The following ZNF169 variants were observed in gnomAD, a reference collection of about 807,000 sequenced individuals.
ZNF169 encodes the protein zinc finger protein 169.
A neutral mutation model predicts 12.0 loss-of-function variants in ZNF169; 11 were observed. The ratio of observed to expected loss-of-function variants is 0.92; its 90% confidence interval spans 0.58 to 1.52. ZNF169 has a LOEUF of 1.52. ZNF169 is among the 40% of genes most tolerant of loss of function. The pLI, the probability that ZNF169 is intolerant of heterozygous loss-of-function variation, is 0.00. For synonymous variants in ZNF169, 302 were observed against 286.5 expected, an observed-to-expected ratio of 1.05 and a Z score of -0.55; for missense variants, 722 against 744.0, an observed-to-expected ratio of 0.97 and a Z score of 0.34.
chr9:94,275,749 A>G (rs1830506009), intron 1 of ZNF169, among the ~76,000 whole-genome samples: 1 of 149,474 alleles, frequency 6.7e-6, no homozygotes, highest in Admixed American at 6.7e-5. Flanking sequence ...GTTTCTCACC[A>G]TTAAATATGA....
At chr9:94,292,651 A>G (rs1207725855) in intron 3 of ZNF169, 184 bp downstream of exon 3, 4 of 584,126 alleles carry the variant, frequency 6.8e-6, no homozygotes, top group Admixed American at 3.7e-5. Context: ...GCGCGTGCAC[A>G]TGCTGTGAGC....
intron 1 of ZNF169, among the ~76,000 whole-genome samples, chr9:94,260,907 G>C (rs1185546326): frequency 7.2e-6 from 1 of 138,666 alleles, no homozygotes; most frequent in East Asian, 2.2e-4. Context: ...TGCAACCACG[G>C]CCTCCCGGGT....
intron 1 of ZNF169, among the ~76,000 whole-genome samples, chr9:94,272,396 A>G (rs547238979): frequency 6.6e-6 from 1 of 152,252 alleles, no homozygotes; most frequent in South Asian, 2.1e-4. Context: ...GAACTTTTTC[A>G]TCTTGCATGA....
At chr9:94,263,280 A>G (rs931063619) in intron 1 of ZNF169, among the ~76,000 whole-genome samples, 2 of 152,162 alleles carry the variant, frequency 1.3e-5, no homozygotes, top group African/African-American at 2.4e-5. Context: ...AGGTGCATAC[A>G]TATTTATCTT....
Position 94,278,833 on chromosome 9 carries a change from A to G in ZNF169, c.21A>G (p.Thr7=), listed in dbSNP as rs1830568803. ...GGGATATGTCACCAGGACTCCTGAC[A>G]ACCAGGAAGGAGGTAAGTCCTGAAA... MSPGLL[T]TRKEALMAFR... Residue 7 remains threonine (T), a synonymous_variant, in exon 2 of 5, where the codon ACA becomes ACG. Coordinates refer to ENST00000395395, the MANE Select transcript of ZNF169 (RefSeq NM_194320.4). 1.9e-6 allele frequency: 3 copies of G among 1,613,904 alleles called. No individual in the cohort carries two copies. The highest frequency in any genetic ancestry group is 2.2e-5 in the South Asian group (2 of 91,044).
chr9:94,292,160 G>A (rs762333022), intron 2 of ZNF169, among the ~76,000 whole-genome samples, 181 bp from the exon 3 acceptor site: 2 of 152,258 alleles, frequency 1.3e-5, no homozygotes, highest in Non-Finnish European at 2.9e-5. Flanking sequence ...CAGCATCAGT[G>A]TATGGAGGGG....
In ZNF169 at chr9:94,300,893, C is replaced by T. The variant is rs1455462141; in HGVS notation, c.1335C>T (p.Leu445=). 5 of 1,613,606 alleles carry T rather than the reference C, an allele frequency of 3.1e-6. No individual in the cohort carries two copies. Among genetic ancestry groups the T allele is most frequent in the East Asian group, 4.5e-5 (2 of 44,860 alleles). Residue 445 remains leucine, a synonymous_variant, in exon 5 of 5, where the codon CTC becomes CTT. Coordinates refer to ENST00000395395, the MANE Select transcript of ZNF169 (RefSeq NM_194320.4). ...CGRGFSQKVT[L]IGHQRTHTGE... is the part of the protein sequence containing the mutation. ...GGGGTTTTAGCCAGAAGGTCACCCT[C>T]ATTGGACACCAGAGGACACACACAG...
intron 1 of ZNF169, among the ~76,000 whole-genome samples, chr9:94,260,245 G>A (rs537227060): frequency 1.3e-5 from 2 of 152,204 alleles, no homozygotes; most frequent in Non-Finnish European, 2.9e-5. Flanking sequence ...TAGAGACGGG[G>A]TTTCACCATG....
chr9:94,298,374 A>G (rs1452798234), intron 4 of ZNF169, among the ~76,000 whole-genome samples: 1 of 152,120 alleles, frequency 6.6e-6, no homozygotes, highest in Non-Finnish European at 1.5e-5. Flanking sequence ...GGGCTGTCCC[A>G]TAATGACTCA....
At position 94,301,521 on chromosome 9, in the gene ZNF169, C is replaced by G; in HGVS notation, c.*151C>G. The G allele has an allele frequency of 7.2e-7, 1 of 1,393,192 alleles. No homozygotes were observed. The allele number at this position is 1,393,192 out of a possible 1,614,324, so 86.3% of individuals were successfully genotyped here. On this transcript the variant is annotated 3_prime_UTR_variant, in exon 5 of 5. Coordinates refer to ENST00000395395, the MANE Select transcript of ZNF169 (RefSeq NM_194320.4). ...TTTACTTTCTATATTCACAATTTGT[C>G]TTGGCTTGCTAGGGGTTCCATAACA...
intron 2 of ZNF169, among the ~76,000 whole-genome samples, chr9:94,279,158 G>A (rs969676144): frequency 1.3e-5 from 2 of 152,068 alleles, no homozygotes; most frequent in African/African-American, 2.4e-5. Context: ...TTGGGAGGCC[G>A]AGGCGGGAGG....
At chr9:94,292,938 C>T in intron 3 of ZNF169, 36 bp from the exon 4 acceptor site, 4 of 1,571,368 alleles carry the variant, frequency 2.5e-6, no homozygotes, top group Non-Finnish European at 3.5e-6. Flanking sequence ...AAGCCACTAA[C>T]TCAAGATCAC....
chr9:94,264,334 C>G (rs570059735), intron 1 of ZNF169, among the ~76,000 whole-genome samples: 210 of 152,218 alleles, frequency 1.4e-3, no homozygotes, highest in African/African-American at 4.7e-3. Context: ...TGGGGTTTCA[C>G]CATGACCAGG....
intron 1 of ZNF169, among the ~76,000 whole-genome samples, chr9:94,271,876 T>G (rs1461262477): frequency 6.6e-6 from 1 of 152,142 alleles, no homozygotes; most frequent in Non-Finnish European, 1.5e-5. Flanking sequence ...GGTTTTGGTG[T>G]CTGGATTATG....
intron 2 of ZNF169, among the ~76,000 whole-genome samples, chr9:94,291,727 A>ATAC (rs1830843223): frequency 6.6e-6 from 1 of 152,256 alleles, no homozygotes; most frequent in Admixed American, 6.5e-5. Flanking sequence ...ACTTAAAAAA[A>ATAC]AGAAGAAAGC....
chr9:94,299,485 G>A (rs1266707200), intron 4 of ZNF169: 1 of 1,237,556 alleles, frequency 8.1e-7, no homozygotes, highest in Non-Finnish European at 1.0e-6. Flanking sequence ...ATAAACAGCA[G>A]GCCGAACAAA....
chr9:94,298,667 T>G (rs904739409), intron 4 of ZNF169, among the ~76,000 whole-genome samples: 3 of 149,706 alleles, frequency 2.0e-5, no homozygotes, highest in African/African-American at 7.4e-5. Flanking sequence ...AACCAGAGGT[T>G]GCAGTCAGCC....
At chr9:94,292,640 T>TGTGTGC (rs35889937) in intron 3 of ZNF169, 173 bp downstream of exon 3, 26,185 of 734,176 alleles carry the variant, frequency 0.036, 364 homozygotes, top group East Asian at 0.21. Flanking sequence ...TGTGTGTGTG[T>TGTGTGC]GCGCGTGCAC....
At position 94,293,053 on chromosome 9, in the gene ZNF169, T is replaced by C. The variant is rs895724873; in HGVS notation, c.240T>C (p.Leu80=). ...DEPWREENEH[L]LDLCPEPRTE... The stretch of plus-strand genomic sequence containing the variant: ...CTTGGAGAGAGGAGAACGAACATCT[T>C]CTGGACCTTTGTCCAGGTGAGTGGG... Residue 80 remains leucine (L), a synonymous_variant, in exon 4 of 5, where the codon CTT becomes CTC. Transcript: ENST00000395395. The C allele has an allele frequency of 6.2e-7, 1 of 1,613,062 alleles. No homozygotes were observed. Among genetic ancestry groups the C allele is most frequent in the Non-Finnish European group, 8.5e-7 (1 of 1,179,610 alleles).
Sources: allele counts gnomAD v4.1 joint callset (sites outside exome capture counted in the v4.1 genomes callset), GRCh38; gene constraint gnomAD v4.1.1; transcripts MANE v1.5; gene names NCBI Gene and HGNC (gene_info 2026-07-23, HGNC 2026-07-21).